The following EYS variants were observed in gnomAD, a reference collection of about 807,000 sequenced individuals.
The protein encoded by EYS is protein eyes shut homolog.
A neutral mutation model predicts 282.1 loss-of-function variants in EYS; 250 were observed. The observed-to-expected ratio is 0.89, with a 90% CI of 0.80 to 0.98. The LOEUF (loss-of-function observed/expected upper bound fraction) is 0.98, where lower values mean the gene tolerates loss of function less well. Among genes scored for constraint, EYS ranks in the 50% least tolerant of loss-of-function variants. The pLI, the probability that EYS is intolerant of heterozygous loss-of-function variation, is 0.00. For synonymous variants in EYS, 1,355 were observed against 1,282.9 expected (o/e 1.06, Z -1.20); for missense variants, 4,016 against 3,709.0 (o/e 1.08, Z -2.15).
rs941350879 is a variant in EYS, at chr6:63,746,226, T to A, written c.8071+16235A>T. ...GGTTCTGTTTATGTGATGGATTATG[T>A]TTATTGATTTGCATATGTTGAACCA... On this transcript the variant is annotated intron_variant, in intron 41 of 42. Transcript: ENST00000503581. Among the ~76,000 whole-genome samples, 5 of 152,184 alleles carry A rather than the reference T, an allele frequency of 3.3e-5. 1 individual carries two copies. Among genetic ancestry groups the A allele is most frequent in the African/African-American group, 1.2e-4 (5 of 41,446 alleles).
At chr6:64,279,550 G>C (rs1922954) in intron 30 of EYS, among the ~76,000 whole-genome samples, 98,708 of 151,864 alleles carry the variant, frequency 0.65, 32,385 homozygotes, top group South Asian at 0.71. Flanking sequence ...CAGGGACATG[G>C]CTCTCAGCTT....
chr6:65,697,427 T>A (rs1180062659), intron 1 of EYS, among the ~76,000 whole-genome samples: 1 of 152,098 alleles, frequency 6.6e-6, no homozygotes, highest in Non-Finnish European at 1.5e-5. Flanking sequence ...CATCTTGCAT[T>A]CTATTTGTGC....
intron 12 of EYS, among the ~76,000 whole-genome samples, chr6:65,060,797 TATATAC>T (rs1264908950): frequency 6.7e-6 from 1 of 149,502 alleles, no homozygotes; most frequent in African/African-American, 2.4e-5. Context: ...TATATATATA[TATATAC>T]ACACACATAC....
chr6:64,130,363 A>C (rs1773930823), intron 31 of EYS, among the ~76,000 whole-genome samples: 1 of 152,224 alleles, frequency 6.6e-6, no homozygotes, highest in South Asian at 2.1e-4. Context: ...CATCCTTCTC[A>C]GCAAACTGTC....
At chr6:65,171,779 T>C (rs1765111050) in intron 12 of EYS, among the ~76,000 whole-genome samples, 2 of 151,582 alleles carry the variant, frequency 1.3e-5, no homozygotes, top group African/African-American at 4.8e-5. Context: ...AAACTATTTT[T>C]TAAAATGTTT....
chr6:65,595,429 T>C (rs1443494476), intron 2 of EYS, among the ~76,000 whole-genome samples: 1 of 151,594 alleles, frequency 6.6e-6, no homozygotes, highest in African/African-American at 2.4e-5. Flanking sequence ...GTAACAAACC[T>C]GCACGTTGTG....
intron 30 of EYS, among the ~76,000 whole-genome samples, chr6:64,298,522 A>G (rs1769119408): frequency 6.6e-6 from 1 of 152,190 alleles, no homozygotes; most frequent in Admixed American, 6.5e-5. Context: ...AACTACAAAG[A>G]AAATAGCTAT....
intron 26 of EYS, among the ~76,000 whole-genome samples, chr6:64,446,840 T>A (rs974905634): frequency 2.6e-5 from 4 of 152,002 alleles, no homozygotes; most frequent in African/African-American, 9.7e-5. Flanking sequence ...AAAGAAATAA[T>A]TATGTATTGC....
At chr6:65,030,739 A>G (rs560151650) in intron 13 of EYS, among the ~76,000 whole-genome samples, 20 of 152,198 alleles carry the variant, frequency 1.3e-4, no homozygotes, top group Non-Finnish European at 2.4e-4. Flanking sequence ...GGGCTGCTTT[A>G]TAGTGTCAAT....
chr6:63,804,880 GT>G (rs1285410522), intron 37 of EYS, among the ~76,000 whole-genome samples: 1 of 152,166 alleles, frequency 6.6e-6, no homozygotes, highest in Non-Finnish European at 1.5e-5. Context: ...AGGTCATGAG[GT>G]TTCAGCATAG....
chr6:63,843,953 A>T (rs1014942799), intron 36 of EYS, among the ~76,000 whole-genome samples: 5 of 152,094 alleles, frequency 3.3e-5, no homozygotes, highest in Non-Finnish European at 5.9e-5. Flanking sequence ...TCAACCCATC[A>T]CCTGGGCATT....
intron 13 of EYS, among the ~76,000 whole-genome samples, chr6:65,034,702 C>A (rs998123209): frequency 1.3e-5 from 2 of 152,076 alleles, no homozygotes; most frequent in African/African-American, 4.8e-5. Flanking sequence ...ACTAATCATG[C>A]ATAATTGTGA....
intron 22 of EYS, among the ~76,000 whole-genome samples, chr6:64,793,548 A>G (rs1227580173): frequency 6.6e-6 from 1 of 152,168 alleles, no homozygotes; most frequent in African/African-American, 2.4e-5. Flanking sequence ...TAAATTTGCT[A>G]TTGCAGATGT....
intron 29 of EYS, among the ~76,000 whole-genome samples, chr6:64,370,984 T>C (rs1772348891): frequency 6.6e-6 from 1 of 152,078 alleles, no homozygotes; most frequent in Admixed American, 6.6e-5. Flanking sequence ...AATTCATTGA[T>C]CCTTTATGGT....
At chr6:63,989,018 A>T (rs1247849340) in intron 34 of EYS, among the ~76,000 whole-genome samples, 2 of 151,604 alleles carry the variant, frequency 1.3e-5, no homozygotes, top group Non-Finnish European at 3.0e-5. Context: ...GGAGTACTGC[A>T]TATCTTTCTG....
At chr6:64,344,220 A>G (rs1268458279) in intron 29 of EYS, among the ~76,000 whole-genome samples, 3 of 152,194 alleles carry the variant, frequency 2.0e-5, no homozygotes, top group Admixed American at 2.0e-4. Flanking sequence ...GGCCAGCATC[A>G]TCCTGATACC....
chr6:65,451,973 A>C (rs1764415842), intron 5 of EYS, among the ~76,000 whole-genome samples: 1 of 151,884 alleles, frequency 6.6e-6, no homozygotes, highest in African/African-American at 2.4e-5. Context: ...AAGGAAAATT[A>C]ATTTTTAATT....
intron 12 of EYS, among the ~76,000 whole-genome samples, chr6:65,162,373 A>G (rs1261771610): frequency 6.6e-6 from 1 of 151,260 alleles, no homozygotes; most frequent in Non-Finnish European, 1.5e-5. Context: ...GATAGAGAGG[A>G]AAATCCTCGG....
intron 5 of EYS, among the ~76,000 whole-genome samples, chr6:65,409,251 A>C (rs937604703): frequency 2.9e-4 from 44 of 152,086 alleles, no homozygotes; most frequent in African/African-American, 9.7e-4. Context: ...CTTAGTCCCC[A>C]CCCTACTAAG....
Sources: allele counts gnomAD v4.1 joint callset (sites outside exome capture counted in the v4.1 genomes callset), GRCh38; gene constraint gnomAD v4.1.1; transcripts MANE v1.5; gene names NCBI Gene and HGNC (gene_info 2026-07-23, HGNC 2026-07-21).